IFT80: variants seen among roughly 807,000 people sequenced by gnomAD.
The protein encoded by IFT80 is intraflagellar transport protein 80 homolog.
IFT80 carries 79 observed loss-of-function variants against 107.9 expected under a neutral mutation model. The observed-to-expected ratio is 0.73, with a 90% CI of 0.61 to 0.88. IFT80 has a LOEUF of 0.88. IFT80 is among the 40% of genes least tolerant of loss of function. The pLI is 0.00. For synonymous variants in IFT80, 299 were observed against 300.9 expected, an observed-to-expected ratio of 0.99 and a Z score of 0.07; for missense variants, 797 against 914.2, an observed-to-expected ratio of 0.87 and a Z score of 1.65.
intron 8 of IFT80, among the ~76,000 whole-genome samples, chr3:160,321,395 C>T (rs554483428): frequency 2.4e-4 from 37 of 152,070 alleles, no homozygotes; most frequent in Middle Eastern, 3.4e-3. Flanking sequence ...ATCTCTCTCT[C>T]TCTTTCTAAA....
intron 10 of IFT80, among the ~76,000 whole-genome samples, chr3:160,306,946 T>A (rs1297595037): frequency 6.6e-6 from 1 of 152,192 alleles, no homozygotes; most frequent in Non-Finnish European, 1.5e-5. Context: ...CTCAATTTTA[T>A]ATTCAATGAC....
intron 18 of IFT80, among the ~76,000 whole-genome samples, chr3:160,272,441 T>C (rs780394368): frequency 1.3e-5 from 2 of 152,198 alleles, no homozygotes; most frequent in African/African-American, 2.4e-5. Flanking sequence ...TGTTCACAAA[T>C]TGATCATTGT....
intron 6 of IFT80, among the ~76,000 whole-genome samples, chr3:160,357,797 C>T (rs1721202253): frequency 6.6e-6 from 1 of 152,122 alleles, no homozygotes; most frequent in African/African-American, 2.4e-5. Context: ...ACTATATAGC[C>T]TCAAACCTTA....
At chr3:160,258,771 A>G (rs1456898542) in intron 19 of IFT80, 136 bp from the exon 20 acceptor site, 24 of 1,152,104 alleles carry the variant, frequency 2.1e-5, no homozygotes, top group Non-Finnish European at 2.8e-5. Context: ...TCAAAAGATT[A>G]GAGAAAAAGA....
At chr3:160,270,578 C>T (rs563726269) in intron 18 of IFT80, among the ~76,000 whole-genome samples, 202 of 151,818 alleles carry the variant, frequency 1.3e-3, no homozygotes, top group Non-Finnish European at 1.5e-3. Context: ...TGTGACCTTA[C>T]GTCTTTCAGA....
intron 8 of IFT80, among the ~76,000 whole-genome samples, chr3:160,327,273 G>A (rs565449089): frequency 3.3e-5 from 5 of 152,260 alleles, no homozygotes; most frequent in East Asian, 1.9e-4. Flanking sequence ...TACATTAAAT[G>A]CTATTCCCAT....
chr3:160,349,033 A>G (rs1021864447), intron 8 of IFT80, among the ~76,000 whole-genome samples: 3 of 152,224 alleles, frequency 2.0e-5, no homozygotes, highest in African/African-American at 7.2e-5. Context: ...CTATGAATAT[A>G]GTAAAAAACA....
chr3:160,393,319 T>G (rs1023850742), intron 1 of IFT80, among the ~76,000 whole-genome samples: 1 of 152,178 alleles, frequency 6.6e-6, no homozygotes, highest in African/African-American at 2.4e-5. Context: ...TACATCCCTG[T>G]GTGGATATAT....
chr3:160,325,898 TG>T, intron 8 of IFT80, among the ~76,000 whole-genome samples: 1 of 152,138 alleles, frequency 6.6e-6, no homozygotes, highest in East Asian at 1.9e-4. Flanking sequence ...TGGAGTATTT[TG>T]GCTTTTGAAT....
intron 6 of IFT80, among the ~76,000 whole-genome samples, chr3:160,359,020 G>A (rs1721301835): frequency 6.6e-6 from 1 of 152,114 alleles, no homozygotes. Flanking sequence ...GGCCTTAAAA[G>A]ACATGAGGTA....
chr3:160,320,566 C>T (rs901058957), intron 8 of IFT80, among the ~76,000 whole-genome samples: 26 of 151,402 alleles, frequency 1.7e-4, no homozygotes, highest in African/African-American at 5.8e-4. Context: ...ATAAATAAGA[C>T]ATAAGAAAAA....
intron 2 of IFT80, 34 bp from the exon 3 acceptor site, chr3:160,381,758 A>G (rs372384282): frequency 1.1e-5 from 17 of 1,526,406 alleles, no homozygotes; most frequent in Admixed American, 5.0e-5. Context: ...AAAACATACA[A>G]AAGTCTTTAA....
chr3:160,330,473 ATTT>A (rs1251208504), intron 8 of IFT80, among the ~76,000 whole-genome samples: 1 of 152,128 alleles, frequency 6.6e-6, no homozygotes, highest in Non-Finnish European at 1.5e-5. Context: ...TCATAACCTA[ATTT>A]TCTTCTTTTG....
intron 8 of IFT80, among the ~76,000 whole-genome samples, chr3:160,320,774 TTTTG>T (rs541300655): frequency 9.9e-5 from 15 of 151,992 alleles, no homozygotes; most frequent in Non-Finnish European, 2.1e-4. Flanking sequence ...CATATATATA[TTTTG>T]TTTGTTTGTT....
rs561864752 is a variant in IFT80, at chr3:160,287,378, T to C, written c.1316-1510A>G. Among the ~76,000 whole-genome samples the C allele has an allele frequency of 3.3e-5, 5 of 152,312 alleles. 1 individual carries two copies. In the South Asian group the frequency reaches 1.0e-3, roughly 32 times the overall value. ...TTAGACTTGTGGCTGTCATCTGAAA[T>C]AGGAGCAGTCTTGTGGAAGACTGCC... On this transcript the variant is annotated intron_variant, in intron 12 of 19. Transcript: ENST00000326448.
intron 8 of IFT80, among the ~76,000 whole-genome samples, chr3:160,346,362 C>T (rs1720293367): frequency 6.6e-6 from 1 of 152,070 alleles, no homozygotes; most frequent in Non-Finnish European, 1.5e-5. Context: ...ACCTGTACCT[C>T]ATAAGTATAT....
chr3:160,292,767 G>A (rs1175577062), intron 12 of IFT80, among the ~76,000 whole-genome samples: 1 of 151,992 alleles, frequency 6.6e-6, no homozygotes, highest in African/African-American at 2.4e-5. Context: ...AGGGAGAGGG[G>A]GAGGAGAAAG....
intron 2 of IFT80, among the ~76,000 whole-genome samples, chr3:160,382,124 T>C (rs1246656336): frequency 6.6e-6 from 1 of 152,178 alleles, no homozygotes; most frequent in African/African-American, 2.4e-5. Flanking sequence ...CTTTTTTCTT[T>C]ATATATGTCT....
intron 1 of IFT80, chr3:160,394,365 A>T (rs966098908): frequency 2.0e-5 from 3 of 152,136 alleles, no homozygotes; most frequent in Non-Finnish European, 4.4e-5. Flanking sequence ...GACATTTACA[A>T]ATTTGTGTTG....
Sources: allele counts gnomAD v4.1 joint callset (sites outside exome capture counted in the v4.1 genomes callset), GRCh38; gene constraint gnomAD v4.1.1; transcripts MANE v1.5; gene names NCBI Gene and HGNC (gene_info 2026-07-23, HGNC 2026-07-21).